Variants in TMEM116 observed in about 807,000 individuals in gnomAD.
The protein encoded by TMEM116 is transmembrane protein 116.
Under a neutral mutation model 44.3 loss-of-function variants are expected in TMEM116, and 38 were observed. The observed-to-expected ratio is 0.86, with a 90% CI of 0.66 to 1.12. The LOEUF is 1.12. Ranked by LOEUF, TMEM116 falls within the 50% of genes most tolerant of loss-of-function variation. TMEM116 has a pLI of 0.00. For synonymous variants in TMEM116, 132 were observed against 144.8 expected (o/e 0.91, Z 0.64); for missense variants, 354 against 401.7 (o/e 0.88, Z 1.01).
chr12:111,961,968 A>G (rs995578207), intron 4 of TMEM116, among the ~76,000 whole-genome samples: 1 of 152,242 alleles, frequency 6.6e-6, no homozygotes, highest in African/African-American at 2.4e-5. Context: ...CAACTTAAGC[A>G]AAGTCTCAGG....
rs1006598698 is a variant in TMEM116 at position 112,002,021 on chromosome 12, A to G, written c.78+1779T>C. Among the ~76,000 whole-genome samples, 9 of 152,240 alleles carry G rather than the reference A, an allele frequency of 5.9e-5. 1 individual carries two copies. The highest frequency in any genetic ancestry group is 3.8e-4 in the East Asian group (2 of 5,206). On this transcript the variant is annotated intron_variant, in intron 3 of 10. Coordinates refer to ENST00000552374, the MANE Select transcript of TMEM116 (RefSeq NM_001193531.2). ...CCAGGATTCAGTTTCCTTGTCTGCA[A>G]TATCAGACTAATAATATCCATCTCA...
chr12:111,939,122 C>T (rs929320646), intron 5 of TMEM116, among the ~76,000 whole-genome samples: 7 of 152,116 alleles, frequency 4.6e-5, no homozygotes, highest in Admixed American at 1.3e-4. Flanking sequence ...CAGTGTTTAA[C>T]TCCTATTTTT....
At chr12:111,987,336 C>T (rs1762733895) in intron 4 of TMEM116, among the ~76,000 whole-genome samples, 1 of 152,070 alleles carries the variant, frequency 6.6e-6, no homozygotes, top group African/African-American at 2.4e-5. Flanking sequence ...GAAACCTCAT[C>T]TCTACTAAAA....
chr12:111,957,532 G>A (rs2074227835), intron 4 of TMEM116, among the ~76,000 whole-genome samples: 2 of 151,680 alleles, frequency 1.3e-5, no homozygotes, highest in Admixed American at 6.6e-5. Flanking sequence ...CCGTCCGGGA[G>A]GTGGGGGGCA....
intron 1 of TMEM116, among the ~76,000 whole-genome samples, chr12:112,006,419 G>C (rs1163519936): frequency 6.6e-6 from 1 of 152,198 alleles, no homozygotes; most frequent in Non-Finnish European, 1.5e-5. Flanking sequence ...ATTTGCCCTT[G>C]TTTAGAGACA....
intron 3 of TMEM116, among the ~76,000 whole-genome samples, chr12:111,992,183 G>T (rs1297301836): frequency 3.3e-5 from 5 of 152,062 alleles, no homozygotes; most frequent in Non-Finnish European, 7.4e-5. Flanking sequence ...GTTAAAAAAA[G>T]AGTGGAAAGA....
At chr12:112,001,566 C>A (rs891574658) in intron 3 of TMEM116, among the ~76,000 whole-genome samples, 1 of 152,154 alleles carries the variant, frequency 6.6e-6, no homozygotes, top group Non-Finnish European at 1.5e-5. Context: ...GGCTGCCAAA[C>A]GTCCTAATGT....
chr12:111,962,917 C>T (rs1224902389), intron 4 of TMEM116, among the ~76,000 whole-genome samples: 1 of 152,194 alleles, frequency 6.6e-6, no homozygotes, highest in Admixed American at 6.5e-5. Context: ...ATCTATCCAT[C>T]TGACAAAGGG....
chr12:112,011,548 C>T (rs2077837282), intron 1 of TMEM116: 1 of 152,080 alleles, frequency 6.6e-6, no homozygotes, highest in African/African-American at 2.4e-5. Context: ...TGAATTCTAC[C>T]CTTTAAAAGT....
In TMEM116 at chr12:111,998,796, G is replaced by A. The variant is rs1347974938; in HGVS notation, c.78+5004C>T. 1.7e-4 allele frequency among the ~76,000 whole-genome samples: 26 copies of A among 152,124 alleles called. 1 individual carries two copies. The highest frequency in any genetic ancestry group is 1.7e-3 in the Admixed American group (26 of 15,270). On this transcript the variant is annotated intron_variant, in intron 3 of 10. Transcript: ENST00000552374. ...AGATCACACCACTGCACTCCAGCCT[G>A]AATGACAAAGCGAGACTCTCAGGAA...
At chr12:111,939,535 C>T (rs2072489937) in intron 5 of TMEM116, among the ~76,000 whole-genome samples, 1 of 150,692 alleles carries the variant, frequency 6.6e-6, no homozygotes, top group Admixed American at 6.6e-5. Context: ...CAGTGGCTCA[C>T]ATCTGTAATC....
chr12:111,969,456 G>C (rs1221371555), intron 4 of TMEM116, among the ~76,000 whole-genome samples: 1 of 151,648 alleles, frequency 6.6e-6, no homozygotes, highest in Non-Finnish European at 1.5e-5. Context: ...GCGCAGTGGA[G>C]CGATCTTGGC....
rs575963105 is a variant in TMEM116 at position 112,003,654 on chromosome 12, A to G, written c.78+146T>C. 816 of 1,155,444 alleles carry G rather than the reference A, an allele frequency of 7.1e-4. 1 individual carries two copies. Among genetic ancestry groups the G allele is most frequent in the Non-Finnish European group, 8.9e-4 (766 of 863,386 alleles). 71.6% of individuals were successfully genotyped at this position (1,155,444 alleles called of 1,614,324 possible). A position where few individuals can be genotyped will look rare whatever the true frequency, so the allele number is the denominator to read the frequency against. The stretch of plus-strand genomic sequence containing the variant: ...AGAAGAAAAGGGAGCCCTACTGACC[A>G]TGCCAAAAATATCTCATTGTATCAT... On this transcript the variant is annotated intron_variant, in intron 3 of 10. Transcript: ENST00000552374.
intron 3 of TMEM116, among the ~76,000 whole-genome samples, chr12:112,002,312 GA>G (rs111900224): frequency 2.7e-5 from 4 of 148,978 alleles, no homozygotes; most frequent in South Asian, 2.1e-4. Context: ...AGAATTGCTT[GA>G]ACCCAGGAGG....
intron 4 of TMEM116, among the ~76,000 whole-genome samples, chr12:111,962,646 C>T (rs1282494431): frequency 6.6e-6 from 1 of 152,162 alleles, no homozygotes; most frequent in Non-Finnish European, 1.5e-5. Flanking sequence ...GTTCCTTACA[C>T]CTTATACAAA....
chr12:111,944,610 C>G (rs896172236), intron 4 of TMEM116, among the ~76,000 whole-genome samples: 1 of 152,114 alleles, frequency 6.6e-6, no homozygotes, highest in Non-Finnish European at 1.5e-5. Flanking sequence ...TTGTGAAGTA[C>G]AGTATCAGAG....
chr12:111,994,469 C>G (rs2076816680), intron 3 of TMEM116, among the ~76,000 whole-genome samples: 1 of 152,112 alleles, frequency 6.6e-6, no homozygotes, highest in South Asian at 2.1e-4. Flanking sequence ...TCCTGTGATG[C>G]CGCCAATGCA....
intron 4 of TMEM116, among the ~76,000 whole-genome samples, chr12:111,965,023 T>A (rs2136415810): frequency 6.6e-6 from 1 of 152,182 alleles, no homozygotes; most frequent in East Asian, 1.9e-4. Flanking sequence ...TAAAAGGTTT[T>A]TTCTGTTCAA....
chr12:112,003,493 G>A (rs768659183), intron 3 of TMEM116: 115 of 198,772 alleles, frequency 5.8e-4, no homozygotes, highest in Non-Finnish European at 6.6e-4. Context: ...GCGTGAACTC[G>A]GGAGGTGGAG....
Sources: gnomAD v4.1 joint callset for allele counts (sites outside exome capture counted in the v4.1 genomes callset) on GRCh38, gnomAD v4.1.1 for gene constraint, MANE v1.5 for transcripts, NCBI Gene and HGNC (gene_info 2026-07-23, HGNC 2026-07-21) for gene names.